Variants in NHSL2 observed in about 807,000 individuals in gnomAD.
The protein encoded by NHSL2 is NHS-like protein 2.
NHSL2 carries 27 observed loss-of-function variants against 53.4 expected under a neutral mutation model. The observed-to-expected ratio is 0.51, with a 90% confidence interval of 0.37 to 0.70. The LOEUF (loss-of-function observed/expected upper bound fraction) is 0.70, where lower values mean the gene tolerates loss of function less well. Ranked by LOEUF, NHSL2 falls within the 30% of genes least tolerant of loss-of-function variation. The probability of loss-of-function intolerance (pLI) is 0.00; values close to 1 mark genes in which losing one functional copy is unlikely to be tolerated. For synonymous variants in NHSL2, 408 were observed against 404.1 expected (o/e 1.01, Z -0.12); for missense variants, 892 against 980.1 (o/e 0.91, Z 1.20).
At chrX:72,082,801 C>T (rs759963328) in intron 1 of NHSL2, among the ~76,000 whole-genome samples, 2 of 111,893 alleles carry the variant, frequency 1.8e-5, no homozygotes, top group Non-Finnish European at 3.8e-5. Context: ...TCAGGCCCAC[C>T]GCCAACCTCG....
chrX:72,060,768 G>C (rs2042395057), intron 1 of NHSL2, among the ~76,000 whole-genome samples: 1 of 112,787 alleles, frequency 8.9e-6, no homozygotes, highest in African/African-American at 3.2e-5. Flanking sequence ...GCTGATTCAA[G>C]GGCCCAGCTG....
At chrX:72,044,392 A>G (rs1387266410) in intron 1 of NHSL2, among the ~76,000 whole-genome samples, 2 of 111,558 alleles carry the variant, frequency 1.8e-5, no homozygotes, top group Middle Eastern at 4.6e-3. Flanking sequence ...CTGCTCCTAA[A>G]CAAGAACTTA....
chrX:72,142,376 T>C lies in NHSL2; in HGVS notation c.3356+12T>C. 3 of 1,118,131 alleles carry C rather than the reference T, an allele frequency of 2.7e-6. No homozygotes were observed. The highest frequency in any genetic ancestry group is 4.4e-5 in the South Asian group (2 of 45,028). The allele number at this position is 1,118,131 out of a possible 1,213,427, so 92.1% of individuals were successfully genotyped here. ...ACTGTGATACACAGGTCTGCACCAATTTCCTTAATTCTAATTGCAATTGCC... is the reference window on the plus strand; with the variant it reads ...ACTGTGATACACAGGTCTGCACCAACTTCCTTAATTCTAATTGCAATTGCC... On this transcript the variant is annotated intron_variant, in intron 7 of 7. Coordinates refer to ENST00000633930, the MANE Select transcript of NHSL2 (RefSeq NM_001013627.3).
In NHSL2 at chrX:72,140,818, G is replaced by C. The variant is rs141927210; in HGVS notation, c.3223+47G>C. On this transcript the variant is annotated intron_variant, in intron 6 of 7. Transcript: ENST00000633930. Reference sequence around the variant, plus strand: ...TTTTTCCTTCAGTCACAGGAGAGATGAGGGTGAGAATGGAGTGCCAGAGAT... The same window carrying C: ...TTTTTCCTTCAGTCACAGGAGAGATCAGGGTGAGAATGGAGTGCCAGAGAT... The C allele has an allele frequency of 1.3e-3, 1,315 of 1,038,690 alleles. 6 individuals are homozygous for C. In the African/African-American group the frequency reaches 0.022, roughly 17 times the overall value. The allele number at this position is 1,038,690 out of a possible 1,213,427, so 85.6% of individuals were successfully genotyped here.
chrX:72,060,467 C>T (rs893795261), intron 1 of NHSL2, among the ~76,000 whole-genome samples: 2 of 112,725 alleles, frequency 1.8e-5, no homozygotes, highest in Non-Finnish European at 3.8e-5. Flanking sequence ...TGGTTTCTTC[C>T]TATACTTGTA....
At chrX:71,919,879 C>A (rs2041648471) in intron 1 of NHSL2, among the ~76,000 whole-genome samples, 1 of 112,705 alleles carries the variant, frequency 8.9e-6, no homozygotes, top group African/African-American at 3.2e-5. Context: ...AGGCAGTGTC[C>A]CCTGCCTTTG....
At chrX:72,044,293 T>A (rs2042292493) in intron 1 of NHSL2, among the ~76,000 whole-genome samples, 1 of 111,988 alleles carries the variant, frequency 8.9e-6, no homozygotes, top group South Asian at 3.7e-4. Flanking sequence ...GGGGCTCACT[T>A]GAGACAACCA....
intron 1 of NHSL2, among the ~76,000 whole-genome samples, chrX:71,962,663 T>G (rs914086684): frequency 8.1e-5 from 8 of 98,850 alleles, no homozygotes; most frequent in Non-Finnish European, 1.4e-4. Flanking sequence ...CAGATCTCAC[T>G]CTGTCACCCA....
At chrX:71,918,797 T>G (rs780669910) in intron 1 of NHSL2, among the ~76,000 whole-genome samples, 1 of 112,057 alleles carries the variant, frequency 8.9e-6, no homozygotes, top group African/African-American at 3.2e-5. Context: ...GTTATTTGCA[T>G]TAGCCAGAAA....
chrX:72,062,802 A>T (rs2042406212), intron 1 of NHSL2, among the ~76,000 whole-genome samples: 1 of 112,563 alleles, frequency 8.9e-6, no homozygotes, highest in Non-Finnish European at 1.9e-5. Flanking sequence ...GGGGCTTCTC[A>T]TTCTTGTGTC....
At chrX:72,077,141 C>T (rs1398886896) in intron 1 of NHSL2, among the ~76,000 whole-genome samples, 1 of 110,671 alleles carries the variant, frequency 9.0e-6, no homozygotes, top group Non-Finnish European at 1.9e-5. Context: ...CATGCACTGC[C>T]CCTGTGGAAT....
At chrX:72,108,760 G>A (rs924378667) in intron 1 of NHSL2, among the ~76,000 whole-genome samples, 4 of 111,918 alleles carry the variant, frequency 3.6e-5, no homozygotes, top group African/African-American at 1.3e-4. Context: ...AGAAGGAAAC[G>A]CTGAGCCCAG....
intron 1 of NHSL2, among the ~76,000 whole-genome samples, chrX:72,035,353 T>A (rs2042235674): frequency 3.0e-5 from 1 of 33,864 alleles, no homozygotes; most frequent in Non-Finnish European, 3.1e-4. Context: ...GGGTGGAGGG[T>A]TCTTTGTATA....
intron 1 of NHSL2, among the ~76,000 whole-genome samples, chrX:71,920,521 T>C (rs1430014541): frequency 9.1e-6 from 1 of 110,135 alleles, no homozygotes; most frequent in Non-Finnish European, 1.9e-5. Flanking sequence ...TACCAATAAA[T>C]CCAGAATTTC....
At chrX:71,925,243 A>G (rs997974638) in intron 1 of NHSL2, among the ~76,000 whole-genome samples, 1 of 111,485 alleles carries the variant, frequency 9.0e-6, no homozygotes, top group African/African-American at 3.3e-5. Flanking sequence ...CCAGTGCCAA[A>G]TTGACAGTGG....
intron 1 of NHSL2, among the ~76,000 whole-genome samples, chrX:72,077,583 A>G (rs1191322920): frequency 8.9e-6 from 1 of 111,883 alleles, no homozygotes; most frequent in Non-Finnish European, 1.9e-5. Flanking sequence ...AGAACGCCCA[A>G]ACCTGAGTTG....
intron 1 of NHSL2, among the ~76,000 whole-genome samples, chrX:71,929,215 T>C (rs1161377749): frequency 8.9e-6 from 1 of 112,238 alleles, no homozygotes; most frequent in Non-Finnish European, 1.9e-5. Context: ...ACAATGGTAC[T>C]GAAAGATAGT....
chrX:71,979,274 C>T (rs1486119791), intron 1 of NHSL2, among the ~76,000 whole-genome samples: 1 of 110,475 alleles, frequency 9.1e-6, no homozygotes, highest in Non-Finnish European at 1.9e-5. Context: ...GGGTATATAC[C>T]CAGTAATGGG....
chrX:72,015,920 GTTTA>G (rs775609585), intron 1 of NHSL2, among the ~76,000 whole-genome samples: 44 of 111,362 alleles, frequency 4.0e-4, no homozygotes, highest in Non-Finnish European at 6.6e-4. Flanking sequence ...TATTTCCCCA[GTTTA>G]TTATTTGTCT....
Sources: gnomAD v4.1 joint callset for allele counts (sites outside exome capture counted in the v4.1 genomes callset) on GRCh38, gnomAD v4.1.1 for gene constraint, MANE v1.5 for transcripts, NCBI Gene and HGNC (gene_info 2026-07-23, HGNC 2026-07-21) for gene names.